COL4A1: variants seen among roughly 807,000 people sequenced by gnomAD.
COL4A1 encodes the protein collagen type IV alpha 1 chain, also known as collagen alpha-1(IV) chain.
In COL4A1, 40 loss-of-function variants were observed where a neutral mutation model predicts 216.6. That is an observed-to-expected ratio of 0.18 (90% CI 0.14 to 0.24). The LOEUF (loss-of-function observed/expected upper bound fraction) is 0.24, where lower values mean the gene tolerates loss of function less well. COL4A1 is among the 10% of genes least tolerant of loss of function. The probability of loss-of-function intolerance (pLI) is 1.00; values close to 1 mark genes in which losing one functional copy is unlikely to be tolerated. For synonymous variants in COL4A1, 839 were observed against 810.7 expected (o/e 1.03, Z -0.59); for missense variants, 1,628 against 2,196.8 (o/e 0.74, Z 5.18).
intron 1 of COL4A1, among the ~76,000 whole-genome samples, chr13:110,251,160 C>T (rs587409): frequency 0.52 from 79,368 of 152,134 alleles, 21,036 homozygotes; most frequent in East Asian, 0.69. Context: ...CTGTGCGGCT[C>T]CCGGCTGTGC....
rs529943548 is a variant in COL4A1 at position 110,219,369 on chromosome 13, T to C, written c.145-5354A>G. Among the ~76,000 whole-genome samples, 7 of 152,350 alleles carry C rather than the reference T, an allele frequency of 4.6e-5. No homozygotes were observed. In the South Asian group the frequency reaches 6.2e-4, roughly 14 times the overall value. Reference sequence around the variant, plus strand: ...TTGTTGCACTTAGCAGCTACATTTATCATTACTATTATTTCTTGCATTTAA... The same window carrying C: ...TTGTTGCACTTAGCAGCTACATTTACCATTACTATTATTTCTTGCATTTAA... On this transcript the variant is annotated intron_variant, in intron 2 of 51. Coordinates refer to ENST00000375820, the MANE Select transcript of COL4A1 (RefSeq NM_001845.6).
chr13:110,224,016 A>G (rs1229003887), intron 2 of COL4A1, among the ~76,000 whole-genome samples: 1 of 152,222 alleles, frequency 6.6e-6, no homozygotes, highest in Non-Finnish European at 1.5e-5. Flanking sequence ...TCCATTAAAA[A>G]AAATATATAT....
At position 110,186,475 on chromosome 13, in the gene COL4A1, G is replaced by A. The variant is rs747585517; in HGVS notation, c.1807C>T (p.Pro603Ser). Residue 603 changes from proline to serine, a missense_variant, in exon 26 of 52, where the codon CCT becomes TCT. By Grantham distance (74) the Pro-to-Ser change is moderately conservative (BLOSUM62 -1). Transcript: ENST00000375820. ...GCAGGACCATATCCTGGAGGCCCAG[G>A]GGGGCCGGTGTCACCACGACTGCCT... The part of the protein sequence containing the change: ...FPGSRGDTGP[P>S]GPPGYGPAGP... The A allele has an allele frequency of 1.7e-5, 27 of 1,613,736 alleles. No homozygotes were observed. The highest frequency in any genetic ancestry group is 3.3e-4 in the Middle Eastern group (2 of 6,082).
chr13:110,173,976 G>A lies in COL4A1; in HGVS notation c.3429C>T (p.Pro1143=), dbSNP rs1877761027. ...CCCCTTTCTGGCCAGCTGGGCCTGT[G>A]GGGCCAGGAGTCCCAGGAAGACCTC... The part of the protein sequence containing the change: ...GEAGLPGTPG[P]TGPAGQKGEP... Residue 1143 remains proline, a synonymous_variant, in exon 40 of 52, where the codon CCC becomes CCT. Transcript: ENST00000375820. 1 of 1,614,012 alleles carries A rather than the reference G, an allele frequency of 6.2e-7. No homozygotes were observed. The highest frequency in any genetic ancestry group is 1.3e-5 in the African/African-American group (1 of 74,918).
rs1303970828 is a variant in COL4A1, at chr13:110,261,035, T to TAAAAAAAAAAAAAAAA, written c.85-18302_85-18301insTTTTTTTTTTTTTTTT. ...CTGGGTGACAGAGCGAGACTCCGTC[T>TAAAAAAAAAAAAAAAA]CAAAAAAAAAAAAAAAAAAGGCCAA... On this transcript the variant is annotated intron_variant, in intron 1 of 51. Transcript: ENST00000375820. Among the ~76,000 whole-genome samples, 62 of 42,104 alleles carry TAAAAAAAAAAAAAAAA rather than the reference T, an allele frequency of 1.5e-3. 3 individuals are homozygous for TAAAAAAAAAAAAAAAA. The highest frequency in any genetic ancestry group is 5.0e-3 in the African/African-American group (59 of 11,906). The allele number at this position is 42,104 out of a possible 152,430, so 27.6% of individuals were successfully genotyped here. A position where few individuals can be genotyped will look rare whatever the true frequency, so the allele number is the denominator to read the frequency against.
intron 1 of COL4A1, among the ~76,000 whole-genome samples, chr13:110,288,162 GCTA>G (rs763391525): frequency 6.6e-6 from 1 of 151,700 alleles, no homozygotes; most frequent in East Asian, 1.9e-4. Flanking sequence ...TACTCGGGAG[GCTA>G]AGGCAGGAGA....
chr13:110,238,604 A>C (rs624388), intron 2 of COL4A1, among the ~76,000 whole-genome samples: 149,080 of 152,286 alleles, frequency 0.98, 73,062 homozygotes, highest in Middle Eastern at 1. Flanking sequence ...TTCCCAACAG[A>C]TTCTCCTGGA....
chr13:110,178,188 A>C lies in COL4A1; in HGVS notation c.2502T>G (p.Pro834=), dbSNP rs147764548. ...IKGEKGFPGF[P]GLDMPGPKGD... Reference sequence around the variant, plus strand: ...CTTTAGGGCCCGGCATGTCCAGTCCAGGGAATCCGGGGAAACCCTTCTCTC... The same window carrying C: ...CTTTAGGGCCCGGCATGTCCAGTCCCGGGAATCCGGGGAAACCCTTCTCTC... The change falls in exon 32 of 52, where the codon CCT becomes CCG. Residue 834 remains proline, a synonymous_variant. Transcript: ENST00000375820. The C allele has an allele frequency of 1.6e-4, 252 of 1,614,170 alleles. 3 individuals carry two copies. In the African/African-American group the frequency reaches 2.9e-3, roughly 19 times the overall value.
chr13:110,211,586 C>T lies in COL4A1; in HGVS notation c.468+61G>A. 1 of 1,516,578 alleles carries T rather than the reference C, an allele frequency of 6.6e-7. No individual in the cohort carries two copies. The highest frequency in any genetic ancestry group is 1.2e-5 in the South Asian group (1 of 84,354). 93.9% of individuals were successfully genotyped at this position (1,516,578 alleles called of 1,614,324 possible). On this transcript the variant is annotated intron_variant, in intron 8 of 51. Coordinates refer to ENST00000375820, the MANE Select transcript of COL4A1 (RefSeq NM_001845.6). This position sits in a 1 kb window ranked among gnomAD's most constrained non-coding sequence, Gnocchi z 4.3. ...GTTTAAAGAGAATGTGCTTCTATGG[C>T]ACTTGTTGTAAACAGATTCCCTGTA... is the stretch of plus-strand genomic sequence containing the variant.
chr13:110,195,096 G>A lies in COL4A1; in HGVS notation c.1308C>T (p.Pro436=), dbSNP rs372671572. The A allele has an allele frequency of 2.9e-5, 46 of 1,613,994 alleles. No homozygotes were observed. Among genetic ancestry groups the A allele is most frequent in the South Asian group, 6.6e-5 (6 of 91,086 alleles). The change falls in exon 22 of 52, where the codon CCC becomes CCT. Residue 436 remains proline (P), a synonymous_variant. Transcript: ENST00000375820. ...GAGGACCCTGGTCACCTGGAGGTCC[G>A]GGCTGACATTCCACAATTCCATCTG... ...GYTNGIVECQ[P]GPPGDQGPPG...
chr13:110,167,312 A>G lies in COL4A1; in HGVS notation c.3877-82T>C, dbSNP rs936552428. On this transcript the variant is annotated intron_variant, in intron 43 of 51. Coordinates refer to ENST00000375820, the MANE Select transcript of COL4A1 (RefSeq NM_001845.6). Reference sequence around the variant, plus strand: ...CAGTAACCTGCTAGTTGGAAAATGGAAACAGCCCCTCAATGTTCTGGAAAG... The same window carrying G: ...CAGTAACCTGCTAGTTGGAAAATGGGAACAGCCCCTCAATGTTCTGGAAAG... 40 of 1,027,246 alleles carry G rather than the reference A, an allele frequency of 3.9e-5. 1 individual carries two copies. Among genetic ancestry groups the G allele is most frequent in the South Asian group, 2.9e-4 (23 of 79,336 alleles). 63.6% of individuals were successfully genotyped at this position (1,027,246 alleles called of 1,614,324 possible).
intron 26 of COL4A1, among the ~76,000 whole-genome samples, chr13:110,184,338 G>A (rs991174952): frequency 6.6e-6 from 1 of 152,172 alleles, no homozygotes; most frequent in African/African-American, 2.4e-5. Flanking sequence ...GACAGCTCTG[G>A]AAATCTGCAG....
intron 1 of COL4A1, among the ~76,000 whole-genome samples, chr13:110,252,705 TATATGTA>T (rs1882199742): frequency 7.3e-6 from 1 of 136,760 alleles, no homozygotes; most frequent in Non-Finnish European, 1.6e-5. Flanking sequence ...ATTATATGTA[TATATGTA>T]TTATACATAT....
chr13:110,186,615 G>A (rs574344026), intron 25 of COL4A1, 62 bp from the exon 26 acceptor site: 5 of 1,585,760 alleles, frequency 3.2e-6, no homozygotes, highest in East Asian at 2.3e-5. Flanking sequence ...TGTCCTTATC[G>A]CATTCTTCTG....
intron 2 of COL4A1, among the ~76,000 whole-genome samples, chr13:110,240,608 T>C (rs1013397129): frequency 6.6e-6 from 1 of 152,252 alleles, no homozygotes; most frequent in African/African-American, 2.4e-5. Flanking sequence ...GGGCTCCTCC[T>C]TGGGCAATGT....
chr13:110,188,429 C>T (rs1055398810), intron 24 of COL4A1, among the ~76,000 whole-genome samples: 32 of 152,318 alleles, frequency 2.1e-4, no homozygotes, highest in African/African-American at 7.2e-4. Context: ...GCATTGGTTA[C>T]CAGCCTGCTA....
At chr13:110,256,378 G>A (rs1304448311) in intron 1 of COL4A1, among the ~76,000 whole-genome samples, 4 of 152,222 alleles carry the variant, frequency 2.6e-5, no homozygotes, top group African/African-American at 9.6e-5. Context: ...TACTCGGGAG[G>A]AAGAGGTGAA....
chr13:110,239,494 C>T (rs6492251), intron 2 of COL4A1, among the ~76,000 whole-genome samples: 30,057 of 152,198 alleles, frequency 0.2, 3,404 homozygotes, highest in African/African-American at 0.3. Flanking sequence ...CTCCTACTGT[C>T]CTGTTTAAAG....
chr13:110,264,483 G>A (rs891810501), intron 1 of COL4A1, among the ~76,000 whole-genome samples: 22 of 152,008 alleles, frequency 1.4e-4, no homozygotes, highest in South Asian at 1.2e-3. Context: ...ACGGTAGAAA[G>A]ATAAGGGAAA....
Sources: allele counts gnomAD v4.1 joint callset (sites outside exome capture counted in the v4.1 genomes callset), GRCh38; gene constraint gnomAD v4.1.1; non-coding constraint Gnocchi (gnomAD v3.1); transcripts MANE v1.5; gene names NCBI Gene and HGNC (gene_info 2026-07-23, HGNC 2026-07-21).